Variants in EPC2 observed in about 807,000 individuals in gnomAD.
The protein encoded by EPC2 is enhancer of polycomb 2.
In EPC2, 14 loss-of-function variants were observed where a neutral mutation model predicts 92.1. The ratio of observed to expected loss-of-function variants is 0.15; its 90% CI spans 0.10 to 0.24. The LOEUF is 0.24. Ranked by LOEUF, EPC2 falls within the 10% of genes least tolerant of loss-of-function variation. The pLI, the probability that EPC2 is intolerant of heterozygous loss-of-function variation, is 1.00. For synonymous variants in EPC2, 340 were observed against 334.7 expected, an observed-to-expected ratio of 1.02 and a Z score of -0.17; for missense variants, 755 against 971.5, an observed-to-expected ratio of 0.78 and a Z score of 2.96.
At chr2:148,785,076 C>T in intron 13 of EPC2, 75 bp downstream of exon 13, 1 of 1,241,514 alleles carries the variant, frequency 8.1e-7, no homozygotes, top group Non-Finnish European at 1.1e-6. Context: ...CTTTTTTTTA[C>T]ACTGCTCAAG....
intron 1 of EPC2, among the ~76,000 whole-genome samples, chr2:148,645,873 G>C (rs1045357250): frequency 2.0e-5 from 3 of 152,268 alleles, no homozygotes; most frequent in African/African-American, 7.2e-5. Context: ...GAGAGGAGCC[G>C]GGGATGCCCG....
chr2:148,716,678 CCA>C (rs1017809651), intron 2 of EPC2, among the ~76,000 whole-genome samples: 2 of 152,108 alleles, frequency 1.3e-5, no homozygotes, highest in Non-Finnish European at 2.9e-5. Flanking sequence ...TCGAGGTTCA[CCA>C]AAGATGTTGG....
At chr2:148,723,360 G>A (rs1254723489) in intron 2 of EPC2, among the ~76,000 whole-genome samples, 1 of 152,144 alleles carries the variant, frequency 6.6e-6, no homozygotes, top group Non-Finnish European at 1.5e-5. Flanking sequence ...ACTCACAAAG[G>A]TGTAAGGGCT....
chr2:148,773,462 A>G (rs1683567319), intron 10 of EPC2, among the ~76,000 whole-genome samples: 2 of 152,128 alleles, frequency 1.3e-5, no homozygotes, highest in African/African-American at 4.8e-5. Flanking sequence ...TCCCTTAAAA[A>G]ATTTTAAGGC....
chr2:148,685,501 C>G (rs989103272), intron 1 of EPC2, among the ~76,000 whole-genome samples: 3 of 152,204 alleles, frequency 2.0e-5, no homozygotes, highest in East Asian at 1.9e-4. Context: ...TGGCTCACGC[C>G]TGTAATCCCA....
At chr2:148,785,602 A>C (rs1683851400) in intron 13 of EPC2, among the ~76,000 whole-genome samples, 1 of 152,188 alleles carries the variant, frequency 6.6e-6, no homozygotes, top group South Asian at 2.1e-4. Context: ...CTGGGATTAC[A>C]AGTGTGAAGT....
At chr2:148,726,873 ATAAGGTTGCCT>A (rs1418177862) in intron 2 of EPC2, among the ~76,000 whole-genome samples, 1 of 147,350 alleles carries the variant, frequency 6.8e-6, no homozygotes, top group Non-Finnish European at 1.5e-5. Flanking sequence ...TTCCCTTTCC[ATAAGGTTGCCT>A]TTGCAGTCTG....
intron 1 of EPC2, among the ~76,000 whole-genome samples, chr2:148,676,480 G>C (rs1574575476): frequency 1.3e-5 from 2 of 151,776 alleles, no homozygotes; most frequent in African/African-American, 4.8e-5. Context: ...AAGTAATACA[G>C]ATTTACTACA....
intron 7 of EPC2, 143 bp downstream of exon 7, chr2:148,765,289 T>G (rs1457115173): frequency 4.1e-6 from 2 of 483,652 alleles, no homozygotes; most frequent in Non-Finnish European, 6.9e-6. Context: ...AGTATTTATG[T>G]AGCCACTGAA....
intron 10 of EPC2, among the ~76,000 whole-genome samples, chr2:148,780,408 A>G (rs1388446067): frequency 2.6e-5 from 4 of 152,130 alleles, no homozygotes; most frequent in African/African-American, 9.7e-5. Context: ...AATTTACCAT[A>G]AAAAAATTTT....
chr2:148,706,693 C>G (rs1210009080), intron 2 of EPC2, among the ~76,000 whole-genome samples: 1 of 152,178 alleles, frequency 6.6e-6, no homozygotes, highest in Admixed American at 6.5e-5. Context: ...GGCCAATATT[C>G]AACATTCTTA....
At chr2:148,728,729 C>CT (rs753807146) in intron 2 of EPC2, among the ~76,000 whole-genome samples, 3,742 of 144,024 alleles carry the variant, frequency 0.026, 74 homozygotes, top group East Asian at 0.08. Flanking sequence ...GGCCTTTCCT[C>CT]TTTTTTTTTT....
chr2:148,758,264 A>G (rs1683231498), intron 4 of EPC2, among the ~76,000 whole-genome samples: 1 of 152,204 alleles, frequency 6.6e-6, no homozygotes, highest in Non-Finnish European at 1.5e-5. Flanking sequence ...AATTATCACT[A>G]TTTGGCAACC....
At chr2:148,677,394 G>A (rs1165871759) in intron 1 of EPC2, among the ~76,000 whole-genome samples, 1 of 152,150 alleles carries the variant, frequency 6.6e-6, no homozygotes, top group Non-Finnish European at 1.5e-5. Flanking sequence ...ATTAAAATAA[G>A]GCCAGCATGC....
chr2:148,685,766 CAAAAA>C (rs1681506025), intron 1 of EPC2, among the ~76,000 whole-genome samples: 1 of 151,946 alleles, frequency 6.6e-6, no homozygotes, highest in Non-Finnish European at 1.5e-5. Context: ...GATTCCATCT[CAAAAA>C]ATAAAAATAA....
At chr2:148,771,939 C>T (rs1683530365) in intron 10 of EPC2, among the ~76,000 whole-genome samples, 1 of 152,004 alleles carries the variant, frequency 6.6e-6, no homozygotes, top group Non-Finnish European at 1.5e-5. Flanking sequence ...GCTGGGACTA[C>T]AGGCGTGCAC....
At chr2:148,651,589 G>C (rs1680686458) in intron 1 of EPC2, among the ~76,000 whole-genome samples, 1 of 152,188 alleles carries the variant, frequency 6.6e-6, no homozygotes, top group South Asian at 2.1e-4. Flanking sequence ...AAAGACCACT[G>C]AAGTATGATT....
At chr2:148,764,340 G>A (rs1683367598) in intron 6 of EPC2, among the ~76,000 whole-genome samples, 1 of 152,058 alleles carries the variant, frequency 6.6e-6, no homozygotes, top group African/African-American at 2.4e-5. Flanking sequence ...CTGTTGAGGG[G>A]AGGTGGGGGC....
chr2:148,655,668 C>T (rs1485029554), intron 1 of EPC2, among the ~76,000 whole-genome samples: 2 of 152,026 alleles, frequency 1.3e-5, no homozygotes, highest in Non-Finnish European at 2.9e-5. Flanking sequence ...CCCCTTAGTT[C>T]TTTCTATGGA....
Sources: allele counts gnomAD v4.1 joint callset (sites outside exome capture counted in the v4.1 genomes callset), GRCh38; gene constraint gnomAD v4.1.1; transcripts MANE v1.5; gene names NCBI Gene and HGNC (gene_info 2026-07-23, HGNC 2026-07-21).